GRK4: variants seen among roughly 807,000 people sequenced by gnomAD.
GRK4 encodes G protein-coupled receptor kinase 4.
Under a neutral mutation model 77.9 loss-of-function variants are expected in GRK4, and 73 were observed. The ratio of observed to expected loss-of-function variants is 0.94; its 90% CI spans 0.78 to 1.14. The LOEUF (loss-of-function observed/expected upper bound fraction) is 1.14, where lower values mean the gene tolerates loss of function less well. Ranked by LOEUF, GRK4 falls within the 50% of genes most tolerant of loss-of-function variation. GRK4 has a pLI of 0.00. For missense variants in GRK4, 729 were observed against 700.2 expected (o/e 1.04, Z -0.46); for synonymous variants, 257 against 254.4 (o/e 1.01, Z -0.10).
At chr4:2,996,276 C>T (rs1279566847) in intron 4 of GRK4, among the ~76,000 whole-genome samples, 4 of 152,180 alleles carry the variant, frequency 2.6e-5, no homozygotes, top group East Asian at 1.9e-4. Flanking sequence ...CCTCTTAGGC[C>T]GGGCGCGGTG....
intron 2 of GRK4, 133 bp downstream of exon 2, chr4:2,984,741 C>T: frequency 2.4e-6 from 1 of 423,994 alleles, no homozygotes; most frequent in Non-Finnish European, 4.2e-6. Context: ...CTTCATGATT[C>T]CTCTCAGGAA....
At chr4:3,034,274 A>G (rs1474657606) in intron 12 of GRK4, among the ~76,000 whole-genome samples, 2 of 152,210 alleles carry the variant, frequency 1.3e-5, no homozygotes, top group Non-Finnish European at 2.9e-5. Context: ...GCGGTGGGAG[A>G]TAGAAGCGCA....
chr4:3,005,972 A>G (rs1436663039), intron 5 of GRK4, among the ~76,000 whole-genome samples: 1 of 152,090 alleles, frequency 6.6e-6, no homozygotes, highest in African/African-American at 2.4e-5. Context: ...AATGGCATGC[A>G]TCCCATCTTT....
intron 8 of GRK4, among the ~76,000 whole-genome samples, chr4:3,014,296 C>CG (rs1733799157): frequency 8.4e-6 from 1 of 119,000 alleles, no homozygotes; most frequent in Non-Finnish European, 1.7e-5. Context: ...CTCTCTCTCT[C>CG]TTTTTTTTTT....
At chr4:3,016,715 C>CAAAAAAAAA in intron 8 of GRK4, among the ~76,000 whole-genome samples, 1 of 130,382 alleles carries the variant, frequency 7.7e-6, no homozygotes, top group Admixed American at 7.8e-5. Context: ...CAAAGCAAAA[C>CAAAAAAAAA]AAAAAAAAAA....
intron 2 of GRK4, among the ~76,000 whole-genome samples, chr4:2,987,321 T>C (rs1724709381): frequency 6.6e-6 from 1 of 152,250 alleles, no homozygotes; most frequent in Non-Finnish European, 1.5e-5. Context: ...TATCACATTT[T>C]ATTTAGCCAT....
intron 10 of GRK4, among the ~76,000 whole-genome samples, chr4:3,022,801 C>T (rs1736453876): frequency 6.6e-6 from 1 of 152,124 alleles, no homozygotes; most frequent in Admixed American, 6.5e-5. Context: ...ACCCTCCCAT[C>T]TCAGCTTTCT....
chr4:3,014,639 C>G (rs917972828), intron 8 of GRK4, among the ~76,000 whole-genome samples: 9 of 151,648 alleles, frequency 5.9e-5, no homozygotes, highest in African/African-American at 1.9e-4. Context: ...ACTAAAAATA[C>G]AAAAAGAATT....
chr4:3,000,391 T>G (rs186400245), intron 4 of GRK4, among the ~76,000 whole-genome samples: 25 of 152,292 alleles, frequency 1.6e-4, no homozygotes, highest in Non-Finnish European at 2.5e-4. Flanking sequence ...CTATTTAGTT[T>G]CAGAAAAATT....
chr4:2,964,049 C>G lies in GRK4; in HGVS notation c.-22C>G. The stretch of plus-strand genomic sequence containing the variant: ...AGTCTCCTCGGTCTCGCAGAATCCG[C>G]CGGCGGCGGCGGCGCCAGGACATGG... On this transcript the variant is annotated 5_prime_UTR_variant, in exon 1 of 16. Coordinates refer to ENST00000398052, the MANE Select transcript of GRK4 (RefSeq NM_182982.3). 2 of 1,602,618 alleles carry G rather than the reference C, an allele frequency of 1.2e-6. No individual in the cohort carries two copies. The highest frequency in any genetic ancestry group is 1.7e-6 in the Non-Finnish European group (2 of 1,175,494).
At chr4:3,035,843 G>A (rs1263144310) in intron 13 of GRK4, among the ~76,000 whole-genome samples, 7 of 151,850 alleles carry the variant, frequency 4.6e-5, no homozygotes, top group East Asian at 1.9e-4. Context: ...TCCCTCCCCC[G>A]TCACCCCAGT....
chr4:3,009,790 T>A, intron 7 of GRK4, 79 bp downstream of exon 7: 1 of 1,000,416 alleles, frequency 1.0e-6, no homozygotes, highest in Non-Finnish European at 1.6e-6. Context: ...CTTCAGGTAA[T>A]GCATCAGCTC....
At position 3,022,277 on chromosome 4, in the gene GRK4, G is replaced by A. The variant is rs1179472024; in HGVS notation, c.933-137G>A. The A allele has an allele frequency of 1.4e-5, 10 of 705,036 alleles. No homozygotes were observed. In the East Asian group the frequency reaches 1.8e-4, roughly 13 times the overall value. The allele number at this position is 705,036 out of a possible 1,614,324, so 43.7% of individuals were successfully genotyped here. On this transcript the variant is annotated intron_variant, in intron 9 of 15. Transcript: ENST00000398052. ...ATTTTGTAACATTCTTGTCCTGCCT[G>A]TTTGCCGTGGCTCATGAAGGGCAGT... is the stretch of plus-strand genomic sequence containing the variant.
Position 3,004,240 on chromosome 4 carries a change from C to A in GRK4, c.349C>A (p.Pro117Thr). The A allele has an allele frequency of 6.2e-7, 1 of 1,612,296 alleles. No homozygotes were observed. The highest frequency in any genetic ancestry group is 8.5e-7 in the Non-Finnish European group (1 of 1,178,456). ...TTTGTACTGTATTAAGTTGGCAGCCCCTTTACCAGAAATACCTCCAGATGT... is the reference window on the plus strand; with the variant it reads ...TTTGTACTGTATTAAGTTGGCAGCCACTTTACCAGAAATACCTCCAGATGT... ...DRFFNDKLAA[P>T]LPEIPPDVVT... The change falls in exon 5 of 16, where the codon CCT (proline) becomes ACT (threonine). Residue 117 changes from proline to threonine, a missense_variant. Pro to Thr is a conservative substitution (Grantham distance 38, BLOSUM62 -1). Coordinates refer to ENST00000398052, the MANE Select transcript of GRK4 (RefSeq NM_182982.3).
intron 13 of GRK4, among the ~76,000 whole-genome samples, chr4:3,036,671 C>T (rs945063745): frequency 1.1e-4 from 16 of 152,200 alleles, no homozygotes; most frequent in African/African-American, 9.6e-5. Context: ...ACAGCAGTGC[C>T]GGGATAGGAG....
At chr4:3,028,908 A>G (rs1738357256) in intron 11 of GRK4, among the ~76,000 whole-genome samples, 1 of 152,098 alleles carries the variant, frequency 6.6e-6, no homozygotes, top group Admixed American at 6.5e-5. Context: ...AGTATCTGGA[A>G]CTACAGGCGC....
At chr4:3,005,462 T>C (rs1731028466) in intron 5 of GRK4, among the ~76,000 whole-genome samples, 1 of 152,078 alleles carries the variant, frequency 6.6e-6, no homozygotes, top group South Asian at 2.1e-4. Flanking sequence ...CCGAGCATAG[T>C]GGGGCTGGGG....
chr4:2,993,480 C>A (rs1323986170), intron 4 of GRK4, among the ~76,000 whole-genome samples: 2 of 152,072 alleles, frequency 1.3e-5, no homozygotes, highest in Non-Finnish European at 2.9e-5. Context: ...TCGACACAGG[C>A]CTGGCCAATA....
At chr4:2,988,936 G>A in intron 3 of GRK4, 97 bp downstream of exon 3, 1 of 759,078 alleles carries the variant, frequency 1.3e-6, no homozygotes, top group Non-Finnish European at 2.3e-6. Flanking sequence ...TGTAATCCCA[G>A]CATTTTGGAA....
Sources: gnomAD v4.1 joint callset for allele counts (sites outside exome capture counted in the v4.1 genomes callset) on GRCh38, gnomAD v4.1.1 for gene constraint, MANE v1.5 for transcripts, NCBI Gene and HGNC (gene_info 2026-07-23, HGNC 2026-07-21) for gene names.